The following CTNNA3 variants were observed in gnomAD, a reference collection of about 807,000 sequenced individuals.
CTNNA3 encodes catenin alpha 3, also known as catenin alpha-3.
In CTNNA3, 76 loss-of-function variants were observed where a neutral mutation model predicts 95.7. The ratio of observed to expected loss-of-function variants is 0.79; its 90% confidence interval spans 0.66 to 0.96. CTNNA3 has a LOEUF of 0.96. CTNNA3 is among the 40% of genes least tolerant of loss of function. The pLI is 0.00. For synonymous variants in CTNNA3, 431 were observed against 374.4 expected (o/e 1.15, Z -1.74); for missense variants, 1,191 against 1,089.8 (o/e 1.09, Z -1.31).
intron 13 of CTNNA3, among the ~76,000 whole-genome samples, chr10:66,160,581 G>T (rs1258273643): frequency 6.6e-6 from 1 of 151,990 alleles, no homozygotes; most frequent in East Asian, 1.9e-4. Context: ...AATTTATTGA[G>T]GCTCATTTTA....
rs555249182 is a variant in CTNNA3, at chr10:67,656,696, G to C, written c.-5-9178C>G. 4.6e-5 allele frequency among the ~76,000 whole-genome samples: 7 copies of C among 152,036 alleles called. No homozygotes were observed. The South Asian group carries it at 1.5e-3, about 32-fold the overall frequency. ...GGGACATCTGAGCAAGACTCGAAGA[G>C]GCAAGAAAATTAGCCAAGCAGACAG... On this transcript the variant is annotated intron_variant, in intron 1 of 17. Coordinates refer to ENST00000433211, the MANE Select transcript of CTNNA3 (RefSeq NM_013266.4).
chr10:67,373,853 A>C (rs191118479), intron 5 of CTNNA3, among the ~76,000 whole-genome samples: 1 of 152,272 alleles, frequency 6.6e-6, no homozygotes, highest in Non-Finnish European at 1.5e-5. Context: ...AGTCAAGGGA[A>C]ACTTCACTGT....
At chr10:67,349,401 G>C (rs1842551305) in intron 5 of CTNNA3, among the ~76,000 whole-genome samples, 1 of 152,138 alleles carries the variant, frequency 6.6e-6, no homozygotes, top group Non-Finnish European at 1.5e-5. Flanking sequence ...TGCAATATAT[G>C]ACACCAGAGA....
intron 2 of CTNNA3, among the ~76,000 whole-genome samples, chr10:67,615,791 T>A (rs1843637195): frequency 6.6e-6 from 1 of 151,316 alleles, no homozygotes; most frequent in African/African-American, 2.4e-5. Flanking sequence ...GCCTCCCAAG[T>A]AGCTGGCATT....
intron 7 of CTNNA3, among the ~76,000 whole-genome samples, chr10:66,954,482 T>C (rs899564775): frequency 3.3e-5 from 5 of 152,156 alleles, no homozygotes; most frequent in Non-Finnish European, 7.3e-5. Context: ...TGTTGTGCAC[T>C]ACACGGTCCC....
At chr10:66,179,818 T>A (rs1170797721) in intron 13 of CTNNA3, among the ~76,000 whole-genome samples, 1 of 152,142 alleles carries the variant, frequency 6.6e-6, no homozygotes, top group African/African-American at 2.4e-5. Flanking sequence ...TGTGTTCACA[T>A]CAATACAATG....
At chr10:67,439,455 G>A (rs1846419347) in intron 5 of CTNNA3, among the ~76,000 whole-genome samples, 1 of 152,100 alleles carries the variant, frequency 6.6e-6, no homozygotes, top group Non-Finnish European at 1.5e-5. Context: ...GCCGGAGCAA[G>A]AGCAAGAGAG....
At chr10:66,322,851 G>A (rs556016155) in intron 12 of CTNNA3, among the ~76,000 whole-genome samples, 1 of 151,990 alleles carries the variant, frequency 6.6e-6, no homozygotes, top group South Asian at 2.1e-4. Flanking sequence ...CGCTCCCCAG[G>A]GCATTGTGAG....
intron 14 of CTNNA3, among the ~76,000 whole-genome samples, chr10:66,084,546 CTAAA>C: frequency 6.6e-6 from 1 of 152,090 alleles, no homozygotes; most frequent in South Asian, 2.1e-4. Context: ...TAGATGTTTA[CTAAA>C]TAATGTTTTT....
intron 1 of CTNNA3, among the ~76,000 whole-genome samples, chr10:67,674,975 T>C (rs1019826982): frequency 5.1e-4 from 77 of 152,258 alleles, no homozygotes; most frequent in African/African-American, 1.8e-3. Flanking sequence ...CCTTACACAT[T>C]CTAGGTTATT....
Position 65,988,712 on chromosome 10 carries a change from CA to C in CTNNA3, c.2244del (p.Ala749LeufsTer31), listed in dbSNP as rs2078477642. On this transcript the variant is annotated frameshift_variant, in exon 16 of 18. Transcript: ENST00000433211. LOFTEE classifies it high-confidence loss of function. ...CTCACCTGATTAGCAATCTGCCGAGCAAGGACATCCATCCTTGATCCTGATT... is the reference window on the plus strand; with the variant it reads ...CTCACCTGATTAGCAATCTGCCGAGCAGGACATCCATCCTTGATCCTGATT... ...ISESGSRMDV[L>X]ARQIANQCPD... 2 of 1,613,672 alleles carry C rather than the reference CA, an allele frequency of 1.2e-6. No individual in the cohort carries two copies. The highest frequency in any genetic ancestry group is 1.6e-4 in the Middle Eastern group (1 of 6,084).
chr10:67,699,829 A>G (rs1212331319), upstream of CTNNA3, among the ~76,000 whole-genome samples: 1 of 152,246 alleles, frequency 6.6e-6, no homozygotes, highest in East Asian at 1.9e-4. Context: ...CCACTGCCTC[A>G]CTCGGAAAGA....
At chr10:66,037,465 C>T (rs1317376829) in intron 15 of CTNNA3, among the ~76,000 whole-genome samples, 3 of 152,158 alleles carry the variant, frequency 2.0e-5, no homozygotes, top group Admixed American at 1.3e-4. Context: ...TCAGCCCATT[C>T]TCTCTCATTT....
intron 13 of CTNNA3, among the ~76,000 whole-genome samples, chr10:66,248,684 C>G (rs1348462896): frequency 6.6e-6 from 1 of 152,042 alleles, no homozygotes; most frequent in Non-Finnish European, 1.5e-5. Context: ...GTCAATTCAG[C>G]AAGAGGATAT....
At chr10:67,740,981 A>G (rs1227797416) in intron 1 of CTNNA3, among the ~76,000 whole-genome samples, 4 of 151,390 alleles carry the variant, frequency 2.6e-5, no homozygotes, top group Admixed American at 6.6e-5. Flanking sequence ...ATGCAGCCAT[A>G]AAAAATGATG....
chr10:66,955,527 G>C (rs891998211), intron 7 of CTNNA3, among the ~76,000 whole-genome samples: 4 of 152,118 alleles, frequency 2.6e-5, no homozygotes, highest in Non-Finnish European at 5.9e-5. Context: ...TATCTGTTTG[G>C]CTCCAAAGCC....
At chr10:66,052,018 C>G (rs1437272979) in intron 15 of CTNNA3, among the ~76,000 whole-genome samples, 2 of 151,864 alleles carry the variant, frequency 1.3e-5, no homozygotes, top group Non-Finnish European at 2.9e-5. Context: ...AAATTTGAAG[C>G]CAGTAAAAAT....
intron 5 of CTNNA3, among the ~76,000 whole-genome samples, chr10:67,339,001 G>A (rs1010250464): frequency 6.6e-6 from 1 of 152,198 alleles, no homozygotes; most frequent in African/African-American, 2.4e-5. Context: ...AACCTCAGCT[G>A]CCTCAATAAA....
At chr10:67,598,561 A>G (rs879225716) in intron 3 of CTNNA3, among the ~76,000 whole-genome samples, 1 of 151,568 alleles carries the variant, frequency 6.6e-6, no homozygotes, top group Admixed American at 6.6e-5. Flanking sequence ...CTCTTCCTGA[A>G]CCCTGTAGTC....
Sources: allele counts gnomAD v4.1 joint callset (sites outside exome capture counted in the v4.1 genomes callset), GRCh38; gene constraint gnomAD v4.1.1; transcripts MANE v1.5; gene names NCBI Gene and HGNC (gene_info 2026-07-23, HGNC 2026-07-21).